Variants in ANO10 observed in about 807,000 individuals in gnomAD.
ANO10 encodes the protein anoctamin-10.
In ANO10, 77 loss-of-function variants were observed where a neutral mutation model predicts 74.7. That is an observed-to-expected ratio of 1.03 (90% CI 0.86 to 1.25). The LOEUF (loss-of-function observed/expected upper bound fraction) is 1.25. Among genes scored for constraint, ANO10 ranks in the 50% most tolerant of loss-of-function variants. ANO10 has a pLI of 0.00. For synonymous variants in ANO10, 279 were observed against 284.9 expected, an observed-to-expected ratio of 0.98 and a Z score of 0.21; for missense variants, 721 against 778.1, an observed-to-expected ratio of 0.93 and a Z score of 0.87.
intron 1 of ANO10, among the ~76,000 whole-genome samples, chr3:43,668,865 TTTTA>T (rs2084022419): frequency 6.6e-6 from 1 of 152,162 alleles, no homozygotes; most frequent in Admixed American, 6.5e-5. Flanking sequence ...TTGTTCCTGT[TTTTA>T]TATTCCATAC....
At chr3:43,611,548 G>T (rs1431833273) in intron 1 of ANO10, among the ~76,000 whole-genome samples, 5 of 152,100 alleles carry the variant, frequency 3.3e-5, no homozygotes. Context: ...TTCAATTCAT[G>T]ACCTCTCAGT....
chr3:43,532,147 A>G (rs2149251436), intron 11 of ANO10, among the ~76,000 whole-genome samples: 1 of 152,346 alleles, frequency 6.6e-6, no homozygotes, highest in African/African-American at 2.4e-5. Context: ...AGCTCTTAGT[A>G]ATGCAAAAGG....
chr3:43,479,777 A>G (rs2076198896), intron 11 of ANO10, among the ~76,000 whole-genome samples: 1 of 152,190 alleles, frequency 6.6e-6, no homozygotes, highest in African/African-American at 2.4e-5. Context: ...GAACCCCAGG[A>G]GATAGAGCCT....
At chr3:43,537,061 G>A (rs556707035) in intron 11 of ANO10, among the ~76,000 whole-genome samples, 1 of 148,312 alleles carries the variant, frequency 6.7e-6, no homozygotes, top group East Asian at 2.0e-4. Context: ...AACCATCCTC[G>A]GTTAAGTTTT....
chr3:43,507,842 T>C (rs2077353431), intron 11 of ANO10, among the ~76,000 whole-genome samples: 2 of 152,164 alleles, frequency 1.3e-5, no homozygotes, highest in South Asian at 2.1e-4. Context: ...AAGGGGGAGA[T>C]TGTATAGTTA....
intron 11 of ANO10, among the ~76,000 whole-genome samples, chr3:43,476,057 T>C (rs192206391): frequency 2.0e-5 from 3 of 152,366 alleles, no homozygotes; most frequent in East Asian, 1.9e-4. Context: ...ATTTATTCTA[T>C]GTGATTTACT....
chr3:43,413,001 A>T (rs554117415), intron 12 of ANO10, among the ~76,000 whole-genome samples: 1 of 152,328 alleles, frequency 6.6e-6, no homozygotes, highest in South Asian at 2.1e-4. Flanking sequence ...CAGTGAGCCA[A>T]GGTTGCCCCA....
At chr3:43,448,281 C>T (rs2093278323) in intron 11 of ANO10, among the ~76,000 whole-genome samples, 2 of 152,182 alleles carry the variant, frequency 1.3e-5, no homozygotes, top group South Asian at 4.1e-4. Flanking sequence ...CAGTATCATA[C>T]ATGATAGTTT....
intron 11 of ANO10, among the ~76,000 whole-genome samples, chr3:43,443,679 CTTT>C (rs59685910): frequency 9.0e-5 from 11 of 122,028 alleles, no homozygotes; most frequent in Admixed American, 7.2e-4. Context: ...TTCCTTCCTT[CTTT>C]TTTTTTTTTT....
intron 11 of ANO10, among the ~76,000 whole-genome samples, chr3:43,437,597 C>G (rs1278069000): frequency 6.6e-6 from 1 of 152,158 alleles, no homozygotes; most frequent in African/African-American, 2.4e-5. Context: ...CTTGTAGCAG[C>G]ACCAGAGAAC....
intron 7 of ANO10, among the ~76,000 whole-genome samples, chr3:43,573,380 G>C (rs1267650601): frequency 6.6e-6 from 1 of 152,018 alleles, no homozygotes; most frequent in Non-Finnish European, 1.5e-5. Flanking sequence ...CTGTAGGTTT[G>C]CCTACTTCCA....
chr3:43,439,512 T>C (rs970334778), intron 11 of ANO10, among the ~76,000 whole-genome samples: 1 of 151,828 alleles, frequency 6.6e-6, no homozygotes, highest in Non-Finnish European at 1.5e-5. Context: ...AATGGTGGTA[T>C]ATAAATCACT....
At chr3:43,662,909 C>T (rs1308719624) in intron 1 of ANO10, among the ~76,000 whole-genome samples, 1 of 152,096 alleles carries the variant, frequency 6.6e-6, no homozygotes, top group Non-Finnish European at 1.5e-5. Flanking sequence ...AACAGCCTAC[C>T]AACCAAAAAA....
intron 12 of ANO10, among the ~76,000 whole-genome samples, chr3:43,393,534 GC>G (rs2092318659): frequency 6.6e-6 from 1 of 152,032 alleles, no homozygotes. Flanking sequence ...CCCTTCGGTG[GC>G]TTCCTGGGCT....
At chr3:43,553,725 T>TG (rs1345798819) in intron 10 of ANO10, among the ~76,000 whole-genome samples, 2 of 151,998 alleles carry the variant, frequency 1.3e-5, no homozygotes, top group African/African-American at 4.8e-5. Flanking sequence ...TTAGTAGAGA[T>TG]GGGGTTTCAC....
At chr3:43,588,642 G>A (rs1245102394) in intron 4 of ANO10, among the ~76,000 whole-genome samples, 2 of 150,276 alleles carry the variant, frequency 1.3e-5, no homozygotes, top group Non-Finnish European at 3.0e-5. Flanking sequence ...CACATAAAAT[G>A]ATACTGAAAG....
chr3:43,657,855 T>C (rs960680374), intron 1 of ANO10, among the ~76,000 whole-genome samples: 2 of 152,178 alleles, frequency 1.3e-5, no homozygotes, highest in Non-Finnish European at 2.9e-5. Flanking sequence ...CCAAATTCCA[T>C]CTTTGAAAGC....
rs531296408 is a variant in ANO10, at chr3:43,455,832, T to A, written c.1798-23105A>T. ...ACAGATTCTGACACAAAGATGAATATATAAAGATATATAAAAATAAATTAT... is the reference window on the plus strand; with the variant it reads ...ACAGATTCTGACACAAAGATGAATAAATAAAGATATATAAAAATAAATTAT... On this transcript the variant is annotated intron_variant, in intron 11 of 12. Transcript: ENST00000292246. 9.2e-5 allele frequency among the ~76,000 whole-genome samples: 14 copies of A among 151,886 alleles called. No individual in the cohort carries two copies. In the East Asian group the frequency reaches 2.7e-3, roughly 29 times the overall value.
intron 10 of ANO10, among the ~76,000 whole-genome samples, chr3:43,551,137 T>A (rs1340388707): frequency 1.3e-5 from 2 of 152,228 alleles, no homozygotes; most frequent in Non-Finnish European, 2.9e-5. Flanking sequence ...GGCATTTAGT[T>A]GCTATTACAA....
Sources: gnomAD v4.1 joint callset for allele counts (sites outside exome capture counted in the v4.1 genomes callset) on GRCh38, gnomAD v4.1.1 for gene constraint, MANE v1.5 for transcripts, NCBI Gene and HGNC (gene_info 2026-07-23, HGNC 2026-07-21) for gene names.